The following ADAMTSL1 variants were observed in gnomAD, a reference collection of about 807,000 sequenced individuals.
ADAMTSL1 encodes ADAMTS like 1.
In ADAMTSL1, 126 loss-of-function variants were observed where a neutral mutation model predicts 201.8. The observed-to-expected ratio is 0.62, with a 90% confidence interval of 0.54 to 0.72. The LOEUF (loss-of-function observed/expected upper bound fraction) is 0.72. Among genes scored for constraint, ADAMTSL1 ranks in the 30% least tolerant of loss-of-function variants. ADAMTSL1 has a pLI of 0.00. For synonymous variants in ADAMTSL1, 1,121 were observed against 903.4 expected (o/e 1.24, Z -4.32); for missense variants, 2,679 against 2,277.8 (o/e 1.18, Z -3.59).
intron 2 of ADAMTSL1, among the ~76,000 whole-genome samples, chr9:18,381,305 A>T (rs894525745): frequency 9.9e-5 from 15 of 152,190 alleles, no homozygotes; most frequent in African/African-American, 3.6e-4. Context: ...TTCTTACAGT[A>T]TAATAGTAAT....
intron 15 of ADAMTSL1, among the ~76,000 whole-genome samples, chr9:18,742,608 TC>T (rs1255366677): frequency 2.6e-5 from 4 of 152,102 alleles, no homozygotes; most frequent in African/African-American, 9.7e-5. Context: ...CTTGAATCAG[TC>T]CTTGATCTTG....
chr9:18,323,586 A>G (rs1158849946), intron 2 of ADAMTSL1, among the ~76,000 whole-genome samples: 1 of 152,220 alleles, frequency 6.6e-6, no homozygotes, highest in Non-Finnish European at 1.5e-5. Flanking sequence ...CTTTATTGAC[A>G]GACAGCATGG....
intron 2 of ADAMTSL1, among the ~76,000 whole-genome samples, chr9:18,287,631 GCA>G (rs1563860091): frequency 2.1e-4 from 24 of 115,450 alleles, no homozygotes; most frequent in African/African-American, 9.0e-4. Flanking sequence ...ATACATATAC[GCA>G]TATATGTATG....
Position 17,995,167 on chromosome 9 carries a change from A to G in ADAMTSL1, c.87+88245A>G, listed in dbSNP as rs560013113. ...AGCTACACTTTGTATTAGTACTTCCATCTTCCTCTTCTTAACTAGGCTACA... is the reference window on the plus strand; with the variant it reads ...AGCTACACTTTGTATTAGTACTTCCGTCTTCCTCTTCTTAACTAGGCTACA... On this transcript the variant is annotated intron_variant, in intron 1 of 29. Coordinates refer to the ADAMTSL1 transcript ENST00000680146. Among the ~76,000 whole-genome samples the G allele has an allele frequency of 3.9e-5, 6 of 152,218 alleles. No individual in the cohort carries two copies. In the East Asian group the frequency reaches 7.8e-4, roughly 20 times the overall value.
chr9:18,655,977 T>C (rs1828632634), intron 7 of ADAMTSL1, among the ~76,000 whole-genome samples: 2 of 152,046 alleles, frequency 1.3e-5, no homozygotes, highest in South Asian at 4.1e-4. Context: ...GCTTCAGCTG[T>C]TTTTCTTTTA....
rs561839128 is a variant in ADAMTSL1 at position 18,389,559 on chromosome 9, C to T, written c.208-115270C>T. Among the ~76,000 whole-genome samples, 126 of 152,234 alleles carry T rather than the reference C, an allele frequency of 8.3e-4. 1 individual carries two copies. In the South Asian group the frequency reaches 0.013, roughly 15 times the overall value. On this transcript the variant is annotated intron_variant, in intron 2 of 29. Coordinates refer to the ADAMTSL1 transcript ENST00000680146. Reference sequence around the variant, plus strand: ...TGTAGTTCTTATTAGGAATTGAACTCCATAATTCTTAGGGCTCCTCTTGTG... The same window carrying T: ...TGTAGTTCTTATTAGGAATTGAACTTCATAATTCTTAGGGCTCCTCTTGTG...
chr9:18,014,416 C>T (rs1421544761), intron 1 of ADAMTSL1, among the ~76,000 whole-genome samples: 1 of 152,006 alleles, frequency 6.6e-6, no homozygotes, highest in Admixed American at 6.6e-5. Flanking sequence ...TGTTCACTAA[C>T]AGAATTTCCT....
At chr9:18,792,502 G>A (rs1316293803) in intron 19 of ADAMTSL1, among the ~76,000 whole-genome samples, 2 of 152,164 alleles carry the variant, frequency 1.3e-5, no homozygotes, top group Non-Finnish European at 2.9e-5. Context: ...CAGTGCCAGG[G>A]AGCCAGCTAC....
chr9:18,809,809 G>T (rs1427342323), intron 20 of ADAMTSL1, among the ~76,000 whole-genome samples: 2 of 152,004 alleles, frequency 1.3e-5, no homozygotes, highest in Admixed American at 1.3e-4. Context: ...AAAAAGAAAA[G>T]AAAAAGAGCT....
intron 19 of ADAMTSL1, among the ~76,000 whole-genome samples, chr9:18,792,109 T>C (rs936011293): frequency 8.5e-5 from 13 of 152,130 alleles, no homozygotes; most frequent in Non-Finnish European, 2.9e-5. Flanking sequence ...GGAGATCTAA[T>C]AAGTTGCCTA....
chr9:18,179,541 C>G (rs921275628), intron 2 of ADAMTSL1, among the ~76,000 whole-genome samples: 10 of 152,102 alleles, frequency 6.6e-5, no homozygotes, highest in African/African-American at 2.4e-4. Context: ...CAAAGATACT[C>G]CTCGAGAAGA....
chr9:18,029,584 A>T (rs1022447637), intron 1 of ADAMTSL1, among the ~76,000 whole-genome samples: 1 of 152,160 alleles, frequency 6.6e-6, no homozygotes, highest in African/African-American at 2.4e-5. Context: ...GCACAGCAAA[A>T]GAAACTACCA....
chr9:18,204,895 T>G (rs1266786614), intron 2 of ADAMTSL1, among the ~76,000 whole-genome samples: 1 of 152,220 alleles, frequency 6.6e-6, no homozygotes, highest in East Asian at 1.9e-4. Context: ...TGTTCATTTA[T>G]ATCCACTGTA....
intron 9 of ADAMTSL1, among the ~76,000 whole-genome samples, chr9:18,673,661 C>G (rs999321815): frequency 6.6e-6 from 1 of 152,098 alleles, no homozygotes; most frequent in Non-Finnish European, 1.5e-5. Context: ...GCTGATAAAT[C>G]AATTGACAGA....
intron 2 of ADAMTSL1, among the ~76,000 whole-genome samples, chr9:18,272,344 C>T (rs1015311887): frequency 3.3e-5 from 5 of 152,292 alleles, no homozygotes; most frequent in Middle Eastern, 6.8e-3. Flanking sequence ...CTGACAAAAA[C>T]AAGAAATGGG....
chr9:18,061,949 C>G (rs1405321893), intron 1 of ADAMTSL1, among the ~76,000 whole-genome samples: 1 of 152,132 alleles, frequency 6.6e-6, no homozygotes. Context: ...CAAAAGACCA[C>G]ATGGTGTTTG....
intron 20 of ADAMTSL1, among the ~76,000 whole-genome samples, chr9:18,807,587 A>G (rs971265476): frequency 6.7e-6 from 1 of 149,848 alleles, no homozygotes; most frequent in African/African-American, 2.4e-5. Context: ...CGGAGCTTGC[A>G]GTGAGCCGAG....
chr9:17,921,956 T>A (rs1826319290), intron 1 of ADAMTSL1, among the ~76,000 whole-genome samples: 1 of 152,178 alleles, frequency 6.6e-6, no homozygotes, highest in African/African-American at 2.4e-5. Context: ...TTTTATTTTA[T>A]ACATTTTGAC....
chr9:18,719,532 T>C (rs1262144018), intron 14 of ADAMTSL1, among the ~76,000 whole-genome samples: 1 of 152,130 alleles, frequency 6.6e-6, no homozygotes, highest in Non-Finnish European at 1.5e-5. Flanking sequence ...AGCTGGCTAA[T>C]TTTGTACTTT....
Sources: allele counts gnomAD v4.1 joint callset (sites outside exome capture counted in the v4.1 genomes callset), GRCh38; gene constraint gnomAD v4.1.1; transcripts MANE v1.5; gene names NCBI Gene and HGNC (gene_info 2026-07-23, HGNC 2026-07-21).